Variants in FSIP2 observed in about 807,000 individuals in gnomAD.
The protein encoded by FSIP2 is fibrous sheath interacting protein 2, also known as fibrous sheath-interacting protein 2.
In FSIP2, 367 loss-of-function variants were observed where a neutral mutation model predicts 510.5. The observed-to-expected ratio is 0.72, with a 90% CI of 0.66 to 0.78. The LOEUF (loss-of-function observed/expected upper bound fraction) is 0.78. Among genes scored for constraint, FSIP2 ranks in the 30% least tolerant of loss-of-function variants. FSIP2 has a pLI of 0.00. For missense variants in FSIP2, 7,594 were observed against 7,901.7 expected, an observed-to-expected ratio of 0.96 and a Z score of 1.48; for synonymous variants, 2,601 against 2,732.2, an observed-to-expected ratio of 0.95 and a Z score of 1.50.
chr2:185,772,079 C>T (rs1386699178), intron 13 of FSIP2, among the ~76,000 whole-genome samples: 1 of 152,196 alleles, frequency 6.6e-6, no homozygotes, highest in East Asian at 1.9e-4. Context: ...TGACCTTTGG[C>T]TCAGTTCCTA....
rs1305067481 is a variant in FSIP2 at position 185,794,347 on chromosome 2, G to T, written c.7211G>T (p.Arg2404Ile). Residue 2404 changes from arginine (R) to isoleucine (I), a missense_variant, in exon 16 of 23, where the codon AGA (arginine) becomes ATA (isoleucine). By Grantham distance (97) the Arg-to-Ile change is moderately conservative. Transcript: ENST00000424728. The part of the protein sequence containing the change: ...DSMLKMLDDK[R>I]SVKEICFNSK... The stretch of plus-strand genomic sequence containing the variant: ...ATGTTAAAGATGTTAGATGATAAAA[G>T]ATCTGTAAAGGAAATTTGTTTTAAT... 6.6e-7 allele frequency: 1 copy of T among 1,515,178 alleles called. No homozygotes were observed. Among genetic ancestry groups the T allele is most frequent in the African/African-American group, 1.4e-5 (1 of 71,744 alleles). The allele number at this position is 1,515,178 out of a possible 1,614,324, so 93.9% of individuals were successfully genotyped here. A position where few individuals can be genotyped will look rare whatever the true frequency, so the allele number is the denominator to read the frequency against.
At chr2:185,821,025 A>G (rs1047086240) in intron 19 of FSIP2, among the ~76,000 whole-genome samples, 4 of 147,168 alleles carry the variant, frequency 2.7e-5, no homozygotes, top group South Asian at 2.1e-4. Context: ...AAAAAAAAAA[A>G]AAAAAAAAAA....
At chr2:185,738,760 G>A (rs1201962182), upstream of FSIP2, 7 of 1,536,024 alleles carry the variant, frequency 4.6e-6, no homozygotes, top group African/African-American at 1.4e-5. Context: ...ACCATTGGAA[G>A]CCTGGAACGC....
Position 185,808,690 on chromosome 2 carries a change from G to A in FSIP2, c.19384G>A (p.Val6462Ile), listed in dbSNP as rs1459302863. 1.1e-5 allele frequency: 17 copies of A among 1,610,532 alleles called. No individual in the cohort carries two copies. The South Asian group carries it at 1.8e-4, about 17-fold the overall frequency. ...AGTGGCTAGTTTAATTATTGATGGA[G>A]TTTCAAGTTTTCCATTAGATACAAT... The part of the protein sequence containing the change: ...KKVASLIIDG[V>I]SSFPLDTINS... The change falls in exon 17 of 23, where the codon GTT becomes ATT. Residue 6462 changes from valine (V) to isoleucine (I), a missense_variant. Coordinates refer to ENST00000424728, the MANE Select transcript of FSIP2 (RefSeq NM_173651.4).
chr2:185,802,363 A>T lies in FSIP2; in HGVS notation c.13057A>T (p.Ile4353Phe), dbSNP rs898206875. ...NRHFNKAKIHILYDDKEQAFF... is the reference protein window; with the variant it reads ...NRHFNKAKIHFLYDDKEQAFF... ...GCATTTCAATAAAGCTAAAATTCAC[A>T]TTCTCTATGATGACAAAGAACAGGC... is the stretch of plus-strand genomic sequence containing the variant. Residue 4353 changes from isoleucine to phenylalanine, a missense_variant, in exon 17 of 23, where the codon ATT becomes TTT. By Grantham distance (21) the Ile-to-Phe change is conservative (BLOSUM62 0). Coordinates refer to ENST00000424728, the MANE Select transcript of FSIP2 (RefSeq NM_173651.4). 2 of 1,532,572 alleles carry T rather than the reference A, an allele frequency of 1.3e-6. No homozygotes were observed. Among genetic ancestry groups the T allele is most frequent in the African/African-American group, 1.4e-5 (1 of 72,740 alleles). The allele number at this position is 1,532,572 out of a possible 1,614,324, so 94.9% of individuals were successfully genotyped here. A position where few individuals can be genotyped will look rare whatever the true frequency, so the allele number is the denominator to read the frequency against.
At chr2:185,752,442 T>A (rs1692167943) in intron 7 of FSIP2, among the ~76,000 whole-genome samples, 1 of 151,348 alleles carries the variant, frequency 6.6e-6, no homozygotes, top group Admixed American at 6.6e-5. Flanking sequence ...TGTTTTGGGC[T>A]TCTTGGACCT....
chr2:185,793,572 T>C lies in FSIP2; in HGVS notation c.6436T>C (p.Ser2146Pro). The C allele has an allele frequency of 6.5e-7, 1 of 1,534,306 alleles. No homozygotes were observed. The highest frequency in any genetic ancestry group is 8.7e-7 in the Non-Finnish European group (1 of 1,145,666). ...EGANKIIPKLSVPKSDVILIS... is the reference protein window; with the variant it reads ...EGANKIIPKLPVPKSDVILIS... ...TGCAAATAAGATTATTCCTAAGCTT[T>C]CAGTTCCTAAATCAGATGTCATTTT... is the stretch of plus-strand genomic sequence containing the variant. Residue 2146 changes from serine to proline, a missense_variant, in exon 16 of 23, where the codon TCA (serine) becomes CCA (proline). Transcript: ENST00000424728.
Position 185,799,555 on chromosome 2 carries a change from T to C in FSIP2, c.10391-142T>C, listed in dbSNP as rs1192545133. The C allele has an allele frequency of 1.2e-5, 5 of 423,612 alleles. No homozygotes were observed. In the East Asian group the frequency reaches 1.9e-4, roughly 16 times the overall value. The allele number at this position is 423,612 out of a possible 1,614,324, so 26.2% of individuals were successfully genotyped here. The stretch of plus-strand genomic sequence containing the variant: ...TGAGAAAATAAATGTTTGAGGAAAA[T>C]CTAATTTCTTTTTTTGTTTAGATTT... On this transcript the variant is annotated intron_variant, in intron 16 of 22. Coordinates refer to ENST00000424728, the MANE Select transcript of FSIP2 (RefSeq NM_173651.4).
Position 185,806,785 on chromosome 2 carries a change from ACTG to A in FSIP2, c.17482_17484del (p.Ala5828del). On this transcript the variant is annotated inframe_deletion, in exon 17 of 23. Transcript: ENST00000424728. The stretch of plus-strand genomic sequence containing the variant: ...GCAAAATCAAGCCAAACTCTATGAC[ACTG>A]CTATGAAACTCATCAATTCACTGTT... 2 of 1,612,000 alleles carry A rather than the reference ACTG, an allele frequency of 1.2e-6. No homozygotes were observed. The highest frequency in any genetic ancestry group is 3.3e-5 in the Admixed American group (2 of 59,758).
chr2:185,811,353 C>T (rs1463337850), intron 17 of FSIP2, among the ~76,000 whole-genome samples: 1 of 151,596 alleles, frequency 6.6e-6, no homozygotes, highest in African/African-American at 2.4e-5. Flanking sequence ...CTTGTAGTCC[C>T]AGCTACTTCG....
Position 185,793,530 on chromosome 2 carries a change from G to A in FSIP2, c.6394G>A (p.Glu2132Lys), listed in dbSNP as rs181914822. 2.0e-6 allele frequency: 3 copies of A among 1,534,266 alleles called. No homozygotes were observed. The highest frequency in any genetic ancestry group is 2.7e-5 in the African/African-American group (2 of 73,000). ...IADKHSEENSEMFMEGANKII... is the reference protein window; with the variant it reads ...IADKHSEENSKMFMEGANKII... Reference sequence around the variant, plus strand: ...TGATAAACATTCAGAAGAAAATTCTGAAATGTTCATGGAGGGTGCAAATAA... The same window carrying A: ...TGATAAACATTCAGAAGAAAATTCTAAAATGTTCATGGAGGGTGCAAATAA... Residue 2132 changes from glutamate (E) to lysine (K), a missense_variant, in exon 16 of 23, where the codon GAA becomes AAA. Physicochemically the swap from Glu to Lys is moderately conservative, Grantham distance 56. Coordinates refer to ENST00000424728, the MANE Select transcript of FSIP2 (RefSeq NM_173651.4).
intron 13 of FSIP2, among the ~76,000 whole-genome samples, chr2:185,767,171 G>A (rs1692504845): frequency 6.8e-6 from 1 of 147,772 alleles, no homozygotes; most frequent in Non-Finnish European, 1.5e-5. Flanking sequence ...ACTGTTGTGG[G>A]GTGGGGGCAG....
In FSIP2 at chr2:185,745,481, A is replaced by G. The variant is rs1179412415; in HGVS notation, c.530A>G (p.Gln177Arg). ...ATACCGGAAAACAATCAAATCCCTC[A>G]ACATTGTGATGTTGCACAAGTCCAA... ...HNIPENNQIPQHCDVAQVQNW... is the reference protein window; with the variant it reads ...HNIPENNQIPRHCDVAQVQNW... The change falls in exon 5 of 23, where the codon CAA becomes CGA. Residue 177 changes from glutamine to arginine, a missense_variant. Physicochemically the swap from Gln to Arg is conservative, Grantham distance 43. Transcript: ENST00000424728. 3 of 1,535,288 alleles carry G rather than the reference A, an allele frequency of 2.0e-6. No homozygotes were observed. The highest frequency in any genetic ancestry group is 2.6e-6 in the Non-Finnish European group (3 of 1,146,196).
At position 185,799,842 on chromosome 2, in the gene FSIP2, G is replaced by A. The variant is rs768306769; in HGVS notation, c.10536G>A (p.Ser3512=). 26 of 1,532,360 alleles carry A rather than the reference G, an allele frequency of 1.7e-5. No homozygotes were observed. The highest frequency in any genetic ancestry group is 1.7e-4 in the South Asian group (14 of 83,816). 94.9% of individuals were successfully genotyped at this position (1,532,360 alleles called of 1,614,324 possible). The change falls in exon 17 of 23, where the codon TCG becomes TCA. Residue 3512 remains serine, a synonymous_variant. Coordinates refer to ENST00000424728, the MANE Select transcript of FSIP2 (RefSeq NM_173651.4). ...LTESVLYHLT[S]SISDGTKKGR... ...AGTCAGTACTTTACCATTTAACTTC[G>A]AGCATTTCTGATGGCACCAAAAAGG...
Position 185,796,658 on chromosome 2 carries a change from T to C in FSIP2, c.9522T>C (p.Gly3174=). 1.3e-6 allele frequency: 2 copies of C among 1,535,042 alleles called. No individual in the cohort carries two copies. The highest frequency in any genetic ancestry group is 1.7e-6 in the Non-Finnish European group (2 of 1,146,238). ...MKMFTSKLKE[G]SLGINPSQVS... ...TGTTCACATCAAAGTTAAAGGAAGG[T>C]AGTTTGGGGATTAATCCTTCACAAG... The change falls in exon 16 of 23, where the codon GGT becomes GGC. Residue 3174 remains glycine (G), a synonymous_variant. Coordinates refer to ENST00000424728, the MANE Select transcript of FSIP2 (RefSeq NM_173651.4).
intron 13 of FSIP2, chr2:185,765,198 T>C (rs1360900983): frequency 6.6e-6 from 1 of 152,042 alleles, no homozygotes; most frequent in Admixed American, 6.6e-5. Context: ...CTAATCAAGA[T>C]GTAACACCAT....
upstream of FSIP2, chr2:185,738,736 C>T: frequency 6.5e-7 from 1 of 1,536,014 alleles, no homozygotes. Context: ...GGCCACCGCC[C>T]TTCTGGGGCC....
intron 20 of FSIP2, among the ~76,000 whole-genome samples, chr2:185,827,596 G>A (rs556308206): frequency 6.6e-6 from 1 of 151,754 alleles, no homozygotes; most frequent in South Asian, 2.1e-4. Flanking sequence ...TTTATTTCAC[G>A]AATACACTGA....
chr2:185,805,561 G>A lies in FSIP2; in HGVS notation c.16255G>A (p.Val5419Ile), dbSNP rs201877929. ...AAATCCAGATAATATCACCCAAAGG[G>A]TTCAACACCTACCACAAAACACCTT... ...FLNPDNITQR[V>I]QHLPQNTFTQ... The change falls in exon 17 of 23, where the codon GTT becomes ATT. Residue 5419 changes from valine to isoleucine, a missense_variant. By Grantham distance (29) the Val-to-Ile change is conservative. Coordinates refer to ENST00000424728, the MANE Select transcript of FSIP2 (RefSeq NM_173651.4). 6.2e-7 allele frequency: 1 copy of A among 1,610,804 alleles called. No homozygotes were observed.
Sources: gnomAD v4.1 joint callset for allele counts (sites outside exome capture counted in the v4.1 genomes callset) on GRCh38, gnomAD v4.1.1 for gene constraint, MANE v1.5 for transcripts, NCBI Gene and HGNC (gene_info 2026-07-23, HGNC 2026-07-21) for gene names.